Variants in CELSR1 observed in about 807,000 individuals in gnomAD.
CELSR1 encodes the protein adhesion G protein-coupled receptor C1.
CELSR1 carries 110 observed loss-of-function variants against 249.1 expected under a neutral mutation model. That is an observed-to-expected ratio of 0.44 (90% CI 0.38 to 0.52). CELSR1 has a LOEUF of 0.52. Ranked by LOEUF, CELSR1 falls within the 20% of genes least tolerant of loss-of-function variation. CELSR1 has a pLI of 0.00. For missense variants in CELSR1, 4,109 were observed against 4,296.4 expected (o/e 0.96, Z 1.22); for synonymous variants, 2,113 against 1,900.0 (o/e 1.11, Z -2.92).
In CELSR1 at chr22:46,429,061, G is replaced by A. The variant is rs951864447; in HGVS notation, c.4611+4332C>T. ...AAGGTGGGGTCTAAACGTGATCCCC[G>A]CAGGCAGCCTCAGGGAAGCACAGTA... On this transcript the variant is annotated intron_variant, in intron 5 of 34. Transcript: ENST00000674500. The surrounding 1 kb of genome is among the most constrained non-coding windows in gnomAD (Gnocchi z 4.1). Among the ~76,000 whole-genome samples, 4 of 152,220 alleles carry A rather than the reference G, an allele frequency of 2.6e-5. No homozygotes were observed. The highest frequency in any genetic ancestry group is 2.4e-5 in the African/African-American group (1 of 41,548).
intron 1 of CELSR1, among the ~76,000 whole-genome samples, chr22:46,531,291 C>T (rs994194253): frequency 6.6e-6 from 1 of 151,528 alleles, no homozygotes. Flanking sequence ...CTGCAACCTC[C>T]GCCTCCCAGA....
At chr22:46,366,915 C>T in intron 29 of CELSR1, 78 bp downstream of exon 29, 1 of 1,523,022 alleles carries the variant, frequency 6.6e-7, no homozygotes, top group Non-Finnish European at 8.8e-7. Context: ...AGGACTGGGG[C>T]TGAGGCTCGA....
intron 9 of CELSR1, among the ~76,000 whole-genome samples, chr22:46,404,445 C>T (rs1482700795): frequency 3.3e-5 from 5 of 151,864 alleles, no homozygotes; most frequent in African/African-American, 1.2e-4. Context: ...GAAAAGAAAA[C>T]GCTACATGCT....
chr22:46,509,855 C>T (rs529954292), intron 1 of CELSR1, among the ~76,000 whole-genome samples: 8 of 152,216 alleles, frequency 5.3e-5, no homozygotes, highest in Non-Finnish European at 1.0e-4. Flanking sequence ...TCCAGGGACC[C>T]GGCACACAGG....
intron 1 of CELSR1, among the ~76,000 whole-genome samples, chr22:46,470,937 G>A (rs926671510): frequency 3.3e-5 from 5 of 152,146 alleles, no homozygotes; most frequent in East Asian, 3.9e-4. Flanking sequence ...CTAGCCTGGC[G>A]AACGTGGCAA....
chr22:46,460,320 G>T (rs1442868703), intron 2 of CELSR1, among the ~76,000 whole-genome samples: 1 of 152,216 alleles, frequency 6.6e-6, no homozygotes, highest in African/African-American at 2.4e-5. Flanking sequence ...AAGGCACCCA[G>T]GAAGCTTCAA....
rs959855507 is a variant in CELSR1 at position 46,472,783 on chromosome 22, T to C, written c.3545-8438A>G. 1.3e-5 allele frequency among the ~76,000 whole-genome samples: 2 copies of C among 152,084 alleles called. No homozygotes were observed. The highest frequency in any genetic ancestry group is 2.9e-5 in the Non-Finnish European group (2 of 67,998). On this transcript the variant is annotated intron_variant, in intron 1 of 34. Coordinates refer to ENST00000674500, the MANE Select transcript of CELSR1 (RefSeq NM_001378328.1). This position sits in a 1 kb window ranked among gnomAD's most constrained non-coding sequence, Gnocchi z 7.0. ...AGGGTCTGTTCCGGGCCCCTTTCCCTGGGGGCTGGGGGTCCAGCAGTCCTT... is the reference window on the plus strand; with the variant it reads ...AGGGTCTGTTCCGGGCCCCTTTCCCCGGGGGCTGGGGGTCCAGCAGTCCTT...
rs568065055 is a variant in CELSR1 at position 46,484,853 on chromosome 22, A to G, written c.3545-20508T>C. ...CCCTCCAATTTAGTGAATGGCGAGC[A>G]AATCATTTTCTTTGGGGGAAAAGAT... On this transcript the variant is annotated intron_variant, in intron 1 of 34. Coordinates refer to ENST00000674500, the MANE Select transcript of CELSR1 (RefSeq NM_001378328.1). The surrounding 1 kb of genome is among the most constrained non-coding windows in gnomAD (Gnocchi z 4.5). Among the ~76,000 whole-genome samples the G allele has an allele frequency of 1.3e-5, 2 of 150,884 alleles. No homozygotes were observed. The highest frequency in any genetic ancestry group is 2.4e-5 in the African/African-American group (1 of 41,220).
intron 9 of CELSR1, among the ~76,000 whole-genome samples, chr22:46,404,684 T>C (rs901341024): frequency 1.3e-5 from 2 of 152,190 alleles, no homozygotes; most frequent in Non-Finnish European, 2.9e-5. Context: ...AAACAAGGTT[T>C]CTCCATGATG....
intron 2 of CELSR1, among the ~76,000 whole-genome samples, chr22:46,462,338 A>G (rs902035956): frequency 6.6e-6 from 1 of 152,090 alleles, no homozygotes; most frequent in African/African-American, 2.4e-5. Context: ...CAGAGCCGGG[A>G]GCACCCTTGC....
chr22:46,464,078 C>A lies in CELSR1; in HGVS notation c.3812G>T (p.Arg1271Leu). 6.2e-7 allele frequency: 1 copy of A among 1,613,778 alleles called. No individual in the cohort carries two copies. Among genetic ancestry groups the A allele is most frequent in the Non-Finnish European group, 8.5e-7 (1 of 1,180,046 alleles). ...GTCCTCCGACGGGAAGAACTGGCCG[C>A]GGACGCCGCCAGGCAGCAGCGCCGA... is the stretch of plus-strand genomic sequence containing the variant. ...TFSALLPGGV[R>L]GQFFPSEDLQ... The change falls in exon 2 of 35, where the codon CGC becomes CTC. Residue 1271 changes from arginine to leucine, a missense_variant. Arg to Leu is a moderately radical substitution (Grantham distance 102). Transcript: ENST00000674500. The surrounding 1 kb of genome is among the most constrained non-coding windows in gnomAD (Gnocchi z 8.5).
intron 1 of CELSR1, among the ~76,000 whole-genome samples, chr22:46,510,980 T>C (rs2080567561): frequency 6.6e-6 from 1 of 152,110 alleles, no homozygotes; most frequent in African/African-American, 2.4e-5. Context: ...CTGGGCATGG[T>C]GGCAGGCACC....
intron 23 of CELSR1, among the ~76,000 whole-genome samples, chr22:46,377,968 C>T (rs533319578): frequency 1.4e-4 from 22 of 152,312 alleles, no homozygotes; most frequent in South Asian, 6.2e-4. Context: ...GACTCCTAGA[C>T]CCCAGGGTCC....
At position 46,479,831 on chromosome 22, in the gene CELSR1, T is replaced by C. The variant is rs1279892118; in HGVS notation, c.3545-15486A>G. 3.3e-5 allele frequency among the ~76,000 whole-genome samples: 5 copies of C among 152,222 alleles called. No individual in the cohort carries two copies. The South Asian group carries it at 1.0e-3, about 32-fold the overall frequency. On this transcript the variant is annotated intron_variant, in intron 1 of 34. Transcript: ENST00000674500. Reference sequence around the variant, plus strand: ...AAGCTGCGAAAGCCCCAGGCAGAAATGGTATTTGGTAACGGGGGCTGCCTC... The same window carrying C: ...AAGCTGCGAAAGCCCCAGGCAGAAACGGTATTTGGTAACGGGGGCTGCCTC...
chr22:46,455,189 C>T (rs2878862), intron 2 of CELSR1, among the ~76,000 whole-genome samples: 31,148 of 152,114 alleles, frequency 0.2, 4,866 homozygotes, highest in African/African-American at 0.44. Flanking sequence ...GGGACCTTGG[C>T]TTTGAATTTC....
rs565367540 is a variant in CELSR1 at position 46,398,083 on chromosome 22, C to A, written c.5527-235G>T. 2.0e-5 allele frequency among the ~76,000 whole-genome samples: 3 copies of A among 152,042 alleles called. No individual in the cohort carries two copies. The highest frequency in any genetic ancestry group is 7.2e-5 in the African/African-American group (3 of 41,400). On this transcript the variant is annotated intron_variant, in intron 11 of 34. Transcript: ENST00000674500. The surrounding 1 kb of genome is among the most constrained non-coding windows in gnomAD (Gnocchi z 7.2). Reference sequence around the variant, plus strand: ...CGCCAGCCTGAGCTCCTGGGGTGCGCGGTGGGGGCGTGAGGAGTGGATGTC... The same window carrying A: ...CGCCAGCCTGAGCTCCTGGGGTGCGAGGTGGGGGCGTGAGGAGTGGATGTC...
rs1602185437 is a variant in CELSR1 at position 46,473,336 on chromosome 22, G to A, written c.3545-8991C>T. ...GTGGATGGGAGGGACAGAGGAGATG[G>A]TCCAAGAGGACCCTAGTCCTGGCAT... On this transcript the variant is annotated intron_variant, in intron 1 of 34. Coordinates refer to ENST00000674500, the MANE Select transcript of CELSR1 (RefSeq NM_001378328.1). The surrounding 1 kb of genome is among the most constrained non-coding windows in gnomAD (Gnocchi z 6.6). Among the ~76,000 whole-genome samples, 1 of 152,170 alleles carries A rather than the reference G, an allele frequency of 6.6e-6. No individual in the cohort carries two copies. The highest frequency in any genetic ancestry group is 1.5e-5 in the Non-Finnish European group (1 of 68,028).
At chr22:46,418,855 T>C (rs1198116809) in intron 5 of CELSR1, among the ~76,000 whole-genome samples, 1 of 152,220 alleles carries the variant, frequency 6.6e-6, no homozygotes, top group African/African-American at 2.4e-5. Flanking sequence ...TCCCCGATGA[T>C]TCTGGCCAAA....
intron 1 of CELSR1, among the ~76,000 whole-genome samples, chr22:46,508,663 A>G (rs1332217530): frequency 2.0e-5 from 3 of 151,974 alleles, no homozygotes; most frequent in Non-Finnish European, 4.4e-5. Context: ...CCCCCACCCC[A>G]TGGCGCGTCG....
Sources: allele counts gnomAD v4.1 joint callset (sites outside exome capture counted in the v4.1 genomes callset), GRCh38; gene constraint gnomAD v4.1.1; non-coding constraint Gnocchi (gnomAD v3.1); transcripts MANE v1.5; gene names NCBI Gene and HGNC (gene_info 2026-07-23, HGNC 2026-07-21).